PKIB: variants seen among roughly 807,000 people sequenced by gnomAD.
PKIB encodes the protein cAMP-dependent protein kinase inhibitor beta, also known as PKI-beta.
Under a neutral mutation model 4.5 loss-of-function variants are expected in PKIB, and 2 were observed. That is an observed-to-expected ratio of 0.44 (90% CI 0.18 to 1.39). The LOEUF (loss-of-function observed/expected upper bound fraction) is 1.39. PKIB is among the 40% of genes most tolerant of loss of function. PKIB has a pLI of 0.27. For missense variants in PKIB, 94 were observed against 92.6 expected (o/e 1.02, Z -0.06); for synonymous variants, 38 against 36.0 (o/e 1.06, Z -0.20).
chr6:122,554,410 T>C (rs1459051694), intron 2 of PKIB, among the ~76,000 whole-genome samples: 1 of 152,212 alleles, frequency 6.6e-6, no homozygotes, highest in Non-Finnish European at 1.5e-5. Context: ...GTTAAATAAA[T>C]CCTAGGGCAC....
intron 2 of PKIB, among the ~76,000 whole-genome samples, chr6:122,641,179 G>A (rs1243755267): frequency 6.6e-6 from 1 of 151,952 alleles, no homozygotes; most frequent in Admixed American, 6.6e-5. Context: ...GTCTTGATTT[G>A]TGTTTTTTAA....
chr6:122,662,273 G>GTCTC (rs1777022647), intron 2 of PKIB, among the ~76,000 whole-genome samples: 1 of 123,894 alleles, frequency 8.1e-6, no homozygotes, highest in African/African-American at 3.0e-5. Flanking sequence ...CTAAACCAAG[G>GTCTC]TCTCTTTCTC....
At chr6:122,556,330 A>G (rs1342351321) in intron 2 of PKIB, among the ~76,000 whole-genome samples, 2 of 152,176 alleles carry the variant, frequency 1.3e-5, no homozygotes, top group Non-Finnish European at 2.9e-5. Context: ...AGTCTTTGGT[A>G]TGTCTTTATT....
chr6:122,631,991 G>A (rs1775722473), intron 1 of PKIB, among the ~76,000 whole-genome samples: 1 of 152,210 alleles, frequency 6.6e-6, no homozygotes, highest in African/African-American at 2.4e-5. Context: ...CTGTCCCAGT[G>A]TGAAAGGTGT....
intron 2 of PKIB, among the ~76,000 whole-genome samples, chr6:122,556,526 G>A (rs1371243423): frequency 6.6e-6 from 1 of 152,144 alleles, no homozygotes; most frequent in Non-Finnish European, 1.5e-5. Context: ...AGTAGGACCA[G>A]AACAAAAGAA....
chr6:122,508,820 G>A (rs772765864), intron 2 of PKIB, among the ~76,000 whole-genome samples: 8 of 151,800 alleles, frequency 5.3e-5, no homozygotes, highest in Non-Finnish European at 1.0e-4. Context: ...ACGCCATCTC[G>A]ACTCACTGCA....
intron 2 of PKIB, among the ~76,000 whole-genome samples, chr6:122,500,623 T>A (rs944826649): frequency 6.6e-6 from 1 of 152,190 alleles, no homozygotes; most frequent in Non-Finnish European, 1.5e-5. Context: ...ATCCTAGATA[T>A]GGCCAATTCC....
intron 2 of PKIB, among the ~76,000 whole-genome samples, chr6:122,633,948 A>ATCTATCTATCTATCTG (rs1454910167): frequency 5.3e-5 from 8 of 151,726 alleles, no homozygotes; most frequent in Non-Finnish European, 1.0e-4. Flanking sequence ...CTATCTATCT[A>ATCTATCTATCTATCTG]TCTATCTATC....
chr6:122,650,220 C>T (rs1310806382), intron 2 of PKIB, among the ~76,000 whole-genome samples: 4 of 152,020 alleles, frequency 2.6e-5, no homozygotes, highest in Non-Finnish European at 5.9e-5. Flanking sequence ...GGAATTTCAT[C>T]GAGGTGGCAG....
intron 2 of PKIB, among the ~76,000 whole-genome samples, chr6:122,662,266 A>AACC (rs1029986943): frequency 2.6e-4 from 36 of 138,494 alleles, no homozygotes; most frequent in South Asian, 8.9e-4. Flanking sequence ...TGATTGCCTA[A>AACC]ACCAAGGTCT....
intron 2 of PKIB, among the ~76,000 whole-genome samples, chr6:122,498,898 G>A (rs1474117349): frequency 6.6e-6 from 1 of 152,072 alleles, no homozygotes; most frequent in African/African-American, 2.4e-5. Flanking sequence ...CTGATCTTAT[G>A]GAAATACAAA....
At chr6:122,560,157 A>G (rs1185486793) in intron 2 of PKIB, among the ~76,000 whole-genome samples, 1 of 151,994 alleles carries the variant, frequency 6.6e-6, no homozygotes, top group African/African-American at 2.4e-5. Flanking sequence ...TTCCCCATTC[A>G]GTATTATGTT....
At chr6:122,520,392 A>T (rs1489439877) in intron 2 of PKIB, among the ~76,000 whole-genome samples, 3 of 152,162 alleles carry the variant, frequency 2.0e-5, no homozygotes, top group African/African-American at 7.2e-5. Flanking sequence ...CATTCTGATG[A>T]TCTGACTTGA....
intron 3 of PKIB, chr6:122,586,048 T>C (rs1312306130): frequency 6.6e-6 from 1 of 152,166 alleles, no homozygotes; most frequent in African/African-American, 2.4e-5. Flanking sequence ...GTCATGTTTA[T>C]GTGCCTAGCA....
chr6:122,498,568 G>A (rs1776140031), intron 2 of PKIB, among the ~76,000 whole-genome samples: 1 of 152,200 alleles, frequency 6.6e-6, no homozygotes, highest in African/African-American at 2.4e-5. Flanking sequence ...TGCAGCAAAA[G>A]CAATGTTAAG....
At chr6:122,616,773 G>C (rs927277043) in intron 1 of PKIB, among the ~76,000 whole-genome samples, 4 of 149,944 alleles carry the variant, frequency 2.7e-5, no homozygotes, top group African/African-American at 9.8e-5. Flanking sequence ...ACTGTTTATT[G>C]AGCAATCTGC....
intron 1 of PKIB, among the ~76,000 whole-genome samples, chr6:122,473,493 A>G (rs536439165): frequency 4.6e-5 from 7 of 152,290 alleles, no homozygotes; most frequent in Non-Finnish European, 8.8e-5. Context: ...CTTGAAATAC[A>G]TTAAAAAAAA....
At chr6:122,570,794 A>C (rs1773341118) in intron 2 of PKIB, among the ~76,000 whole-genome samples, 1 of 152,192 alleles carries the variant, frequency 6.6e-6, no homozygotes, top group South Asian at 2.1e-4. Flanking sequence ...AGAAAAGTCT[A>C]TCCAAATGAA....
At chr6:122,542,015 C>A (rs1037811329) in intron 2 of PKIB, among the ~76,000 whole-genome samples, 37 of 152,030 alleles carry the variant, frequency 2.4e-4, no homozygotes, top group Non-Finnish European at 2.4e-4. Flanking sequence ...AATTCTCGAG[C>A]CTTGGCTTTC....
Sources: allele counts gnomAD v4.1 joint callset (sites outside exome capture counted in the v4.1 genomes callset), GRCh38; gene constraint gnomAD v4.1.1; transcripts MANE v1.5; gene names NCBI Gene and HGNC (gene_info 2026-07-23, HGNC 2026-07-21).